Variants in HS3ST5 observed in about 807,000 individuals in gnomAD.
HS3ST5 encodes the protein heparan sulfate-glucosamine 3-sulfotransferase 5, also known as heparan sulfate glucosamine 3-O-sulfotransferase 5.
In HS3ST5, 10 loss-of-function variants were observed where a neutral mutation model predicts 25.4. The ratio of observed to expected loss-of-function variants is 0.39; its 90% CI spans 0.24 to 0.67. The LOEUF (loss-of-function observed/expected upper bound fraction) is 0.67, where lower values mean the gene tolerates loss of function less well. Among genes scored for constraint, HS3ST5 ranks in the 30% least tolerant of loss-of-function variants. The pLI is 0.44. For missense variants in HS3ST5, 324 were observed against 420.7 expected (o/e 0.77, Z 2.01); for synonymous variants, 170 against 162.4 (o/e 1.05, Z -0.36).
chr6:114,142,364 C>A (rs1375558029), intron 3 of HS3ST5, among the ~76,000 whole-genome samples: 1 of 152,132 alleles, frequency 6.6e-6, no homozygotes, highest in Non-Finnish European at 1.5e-5. Context: ...AATAAAGTAA[C>A]ATCAGAAAGT....
intron 1 of HS3ST5, among the ~76,000 whole-genome samples, chr6:114,269,629 G>A (rs1773552163): frequency 6.6e-6 from 1 of 152,130 alleles, no homozygotes; most frequent in Non-Finnish European, 1.5e-5. Flanking sequence ...GGTGATTGAA[G>A]CAAGGGTAGA....
intron 4 of HS3ST5, chr6:114,058,846 G>C (rs1460009619): frequency 6.6e-6 from 1 of 152,274 alleles, no homozygotes; most frequent in African/African-American, 2.4e-5. Context: ...ATCTAAAGAG[G>C]TCAGGATTAT....
chr6:114,252,409 A>G (rs749416725), intron 1 of HS3ST5, among the ~76,000 whole-genome samples: 1 of 152,210 alleles, frequency 6.6e-6, no homozygotes, highest in Non-Finnish European at 1.5e-5. Context: ...ACATTGGAGG[A>G]CTGGGAATGT....
At chr6:114,105,340 T>C (rs1416245953) in intron 3 of HS3ST5, among the ~76,000 whole-genome samples, 1 of 152,176 alleles carries the variant, frequency 6.6e-6, no homozygotes, top group Non-Finnish European at 1.5e-5. Context: ...AGAGTAGCAC[T>C]GTTAGGAATT....
At chr6:114,161,521 T>TTATA (rs59921019) in intron 3 of HS3ST5, among the ~76,000 whole-genome samples, 1,002 of 33,196 alleles carry the variant, frequency 0.03, 62 homozygotes, top group Non-Finnish European at 0.033. Flanking sequence ...TCCTGAAGTT[T>TTATA]TATATATATA....
chr6:114,089,468 C>G (rs1442108314), intron 3 of HS3ST5, among the ~76,000 whole-genome samples: 2 of 152,140 alleles, frequency 1.3e-5, no homozygotes, highest in African/African-American at 4.8e-5. Flanking sequence ...GTCCTGGTCC[C>G]TTTCATACAT....
At chr6:114,338,907 TTAAC>T (rs1776715884) in intron 1 of HS3ST5, among the ~76,000 whole-genome samples, 1 of 152,034 alleles carries the variant, frequency 6.6e-6, no homozygotes, top group East Asian at 1.9e-4. Context: ...AATGAAAAGT[TTAAC>T]TAGGTATTTT....
At chr6:114,259,214 C>A (rs1001360202) in intron 1 of HS3ST5, among the ~76,000 whole-genome samples, 5 of 152,218 alleles carry the variant, frequency 3.3e-5, no homozygotes, top group African/African-American at 9.6e-5. Context: ...ACATGGGAAT[C>A]ATTTCCTGTA....
chr6:114,334,122 G>A (rs900149478), intron 1 of HS3ST5, among the ~76,000 whole-genome samples: 1 of 152,142 alleles, frequency 6.6e-6, no homozygotes, highest in Non-Finnish European at 1.5e-5. Flanking sequence ...CAAGTACCAC[G>A]GAAATAGGGA....
intron 2 of HS3ST5, among the ~76,000 whole-genome samples, chr6:114,205,169 TCCACAAGGATGTC>T (rs770289487): frequency 6.6e-5 from 10 of 152,166 alleles, no homozygotes; most frequent in Non-Finnish European, 1.0e-4. Flanking sequence ...AGGGCTCAGT[TCCACAAGGATGTC>T]CCACTTCAGA....
At chr6:114,203,407 G>C (rs77225473) in intron 2 of HS3ST5, among the ~76,000 whole-genome samples, 2 of 152,258 alleles carry the variant, frequency 1.3e-5, no homozygotes, top group Non-Finnish European at 2.9e-5. Flanking sequence ...CACAAGGTTA[G>C]GATTATGTGG....
chr6:114,102,092 A>G (rs182733726), intron 3 of HS3ST5, among the ~76,000 whole-genome samples: 1 of 152,316 alleles, frequency 6.6e-6, no homozygotes, highest in Non-Finnish European at 1.5e-5. Context: ...AAAACTACCT[A>G]TCAGGTACTA....
intron 3 of HS3ST5, among the ~76,000 whole-genome samples, chr6:114,118,300 T>C (rs1417929263): frequency 2.0e-5 from 3 of 152,054 alleles, no homozygotes; most frequent in African/African-American, 2.4e-5. Context: ...GGAAAAAAAA[T>C]GGCATATAGA....
intron 1 of HS3ST5, among the ~76,000 whole-genome samples, chr6:114,281,510 G>A (rs1774107664): frequency 6.6e-6 from 1 of 151,920 alleles, no homozygotes; most frequent in Non-Finnish European, 1.5e-5. Context: ...TGTTTTCCAA[G>A]CCTATTTTCC....
chr6:114,212,145 C>T (rs143078402), intron 2 of HS3ST5, among the ~76,000 whole-genome samples: 33 of 152,310 alleles, frequency 2.2e-4, no homozygotes, highest in Non-Finnish European at 4.4e-4. Context: ...TAACCAGGCT[C>T]CTTAGTAGAC....
intron 2 of HS3ST5, among the ~76,000 whole-genome samples, chr6:114,188,435 G>T (rs1780338072): frequency 6.6e-6 from 1 of 152,136 alleles, no homozygotes; most frequent in Non-Finnish European, 1.5e-5. Flanking sequence ...TCTAAGCAAG[G>T]TTTTAAAAAC....
intron 3 of HS3ST5, among the ~76,000 whole-genome samples, chr6:114,153,311 A>G (rs1239913603): frequency 6.6e-6 from 1 of 152,196 alleles, no homozygotes; most frequent in African/African-American, 2.4e-5. Context: ...CTAATTGAAT[A>G]ATGTCCAGTA....
At chr6:114,069,803 T>C (rs751741885) in intron 3 of HS3ST5, among the ~76,000 whole-genome samples, 30 of 152,266 alleles carry the variant, frequency 2.0e-4, no homozygotes, top group Non-Finnish European at 4.0e-4. Context: ...ATTACAGGCG[T>C]GAGTCACCAC....
chr6:114,097,023 T>A (rs1216593171), intron 3 of HS3ST5, among the ~76,000 whole-genome samples: 1 of 152,096 alleles, frequency 6.6e-6, no homozygotes, highest in Non-Finnish European at 1.5e-5. Flanking sequence ...CTCAATTTCT[T>A]TGGTGTAATA....
Sources: gnomAD v4.1 joint callset for allele counts (sites outside exome capture counted in the v4.1 genomes callset) on GRCh38, gnomAD v4.1.1 for gene constraint, MANE v1.5 for transcripts, NCBI Gene and HGNC (gene_info 2026-07-23, HGNC 2026-07-21) for gene names.